MTCL1: variants seen among roughly 807,000 people sequenced by gnomAD.
The protein encoded by MTCL1 is microtubule crosslinking factor 1.
In MTCL1, 79 loss-of-function variants were observed where a neutral mutation model predicts 141.4. That is an observed-to-expected ratio of 0.56 (90% CI 0.47 to 0.67). MTCL1 has a LOEUF of 0.67. Among genes scored for constraint, MTCL1 ranks in the 30% least tolerant of loss-of-function variants. MTCL1 has a pLI of 0.00. For synonymous variants in MTCL1, 914 were observed against 875.8 expected (o/e 1.04, Z -0.77); for missense variants, 2,177 against 2,113.9 (o/e 1.03, Z -0.59).
chr18:8,780,027 G>A (rs2096527390), intron 5 of MTCL1, among the ~76,000 whole-genome samples: 1 of 152,056 alleles, frequency 6.6e-6, no homozygotes, highest in Admixed American at 6.5e-5. Flanking sequence ...GGCTCTATGG[G>A]GACCTTCTGC....
chr18:8,826,095 A>AAC lies in MTCL1; in HGVS notation c.4586_4587dup (p.Val1530ThrfsTer15). The AAC allele has an allele frequency of 6.2e-7, 1 of 1,611,688 alleles. No homozygotes were observed. The highest frequency in any genetic ancestry group is 1.3e-5 in the African/African-American group (1 of 75,026). On this transcript the variant is annotated frameshift_variant, in exon 15 of 17. Coordinates refer to ENST00000359865, the Ensembl canonical transcript of MTCL1. LOFTEE classifies it high-confidence loss of function. ...TCCCCCTGGCTACACGCTCACTGAG[A>AAC]ACGTGGCCCGGATCCTCAACAAGAA...
exon 1 of MTCL1, chr18:8,706,024 G>A (rs1418260879): frequency 3.4e-6 from 4 of 1,174,490 alleles, no homozygotes; most frequent in Non-Finnish European, 4.2e-6. Flanking sequence ...AGCGGCGGGC[G>A]GTGCCAAGGC....
chr18:8,733,238 G>A (rs1211932405), intron 4 of MTCL1, among the ~76,000 whole-genome samples: 1 of 152,142 alleles, frequency 6.6e-6, no homozygotes, highest in Non-Finnish European at 1.5e-5. Context: ...GATCTTCTGT[G>A]TTTATTCATG....
At chr18:8,827,913 A>G (rs1290381821) in intron 15 of MTCL1, among the ~76,000 whole-genome samples, 1 of 152,212 alleles carries the variant, frequency 6.6e-6, no homozygotes, top group African/African-American at 2.4e-5. Context: ...TAAAGTATTC[A>G]TTTAGATTTT....
At chr18:8,733,490 T>C (rs1320078975) in intron 4 of MTCL1, among the ~76,000 whole-genome samples, 77 of 152,044 alleles carry the variant, frequency 5.1e-4, no homozygotes, top group African/African-American at 1.7e-3. Context: ...ACTGCAACCT[T>C]TGCCTCCTGG....
intron 4 of MTCL1, among the ~76,000 whole-genome samples, chr18:8,756,341 G>GTA (rs1174595595): frequency 6.8e-6 from 1 of 147,928 alleles, no homozygotes; most frequent in Non-Finnish European, 1.5e-5. Context: ...ATATGTGTGT[G>GTA]TATATATATG....
At chr18:8,758,038 T>G (rs76653310) in intron 4 of MTCL1, among the ~76,000 whole-genome samples, 3 of 150,312 alleles carry the variant, frequency 2.0e-5, no homozygotes, top group Non-Finnish European at 4.4e-5. Context: ...TTTTTTTTTT[T>G]TGAGACAGAG....
chr18:8,784,897 C>A, intron 6 of MTCL1, 54 bp downstream of exon 5: 1 of 1,459,034 alleles, frequency 6.9e-7, no homozygotes, highest in South Asian at 1.3e-5. Flanking sequence ...TCCTCCTTCT[C>A]GCTGGCATTG....
In MTCL1 at chr18:8,830,994, TCA is replaced by T; in HGVS notation, c.*19-612_*19-611del. 1 of 986,016 alleles carries T rather than the reference TCA, an allele frequency of 1.0e-6. No homozygotes were observed. Among genetic ancestry groups the T allele is most frequent in the African/African-American group, 1.7e-5 (1 of 57,368 alleles). 61.1% of individuals were successfully genotyped at this position (986,016 alleles called of 1,614,324 possible). A position where few individuals can be genotyped will look rare whatever the true frequency, so the allele number is the denominator to read the frequency against. On this transcript the variant is annotated intron_variant, in intron 16 of 16. Transcript: ENST00000359865. The surrounding 1 kb of genome is among the most constrained non-coding windows in gnomAD (Gnocchi z 6.4). Reference sequence around the variant, plus strand: ...TTAAAATGCTGCTGCAATTGAACAGTCATTAAAGAAAACCAGACCCAAATTAA... The same window carrying T: ...TTAAAATGCTGCTGCAATTGAACAGTTTAAAGAAAACCAGACCCAAATTAA...
exon 15 of MTCL1, chr18:8,825,082 G>A (rs760323431): frequency 4.0e-5 from 64 of 1,610,966 alleles, no homozygotes; most frequent in East Asian, 1.3e-4. Flanking sequence ...TCGGGGTTGC[G>A]CGTGTTACAC....
intron 4 of MTCL1, among the ~76,000 whole-genome samples, chr18:8,759,244 G>T (rs1012468349): frequency 6.6e-6 from 1 of 152,206 alleles, no homozygotes; most frequent in East Asian, 1.9e-4. Context: ...TATGACTTAG[G>T]TCTGAAAGTA....
chr18:8,754,595 C>T (rs1464133169), intron 4 of MTCL1, among the ~76,000 whole-genome samples: 2 of 152,106 alleles, frequency 1.3e-5, no homozygotes, highest in Non-Finnish European at 2.9e-5. Flanking sequence ...AAAAGGGAAC[C>T]AAGTCGTTTT....
At chr18:8,818,620 A>G (rs539151209) in intron 12 of MTCL1, among the ~76,000 whole-genome samples, 1 of 152,366 alleles carries the variant, frequency 6.6e-6, no homozygotes, top group Admixed American at 6.5e-5. Flanking sequence ...CATGTTCTTT[A>G]ACAGTATTAG....
intron 4 of MTCL1, among the ~76,000 whole-genome samples, chr18:8,722,419 A>G (rs760252326): frequency 6.6e-5 from 10 of 152,170 alleles, no homozygotes; most frequent in Non-Finnish European, 1.3e-4. Context: ...AAAATAATGT[A>G]TATAGCTTTT....
chr18:8,812,547 A>C (rs550172202), intron 11 of MTCL1, among the ~76,000 whole-genome samples: 55 of 152,320 alleles, frequency 3.6e-4, no homozygotes, highest in African/African-American at 1.1e-3. Flanking sequence ...AGTACATAAG[A>C]TGTAGAATCT....
chr18:8,819,637 T>C (rs959417767), intron 13 of MTCL1, among the ~76,000 whole-genome samples: 3 of 152,138 alleles, frequency 2.0e-5, no homozygotes, highest in African/African-American at 7.2e-5. Context: ...GAGGTCTCAC[T>C]CTCTTGCCCA....
rs368104710 is a variant in MTCL1 at position 8,824,137 on chromosome 18, C to T, written c.3189-562C>T. Among the ~76,000 whole-genome samples the T allele has an allele frequency of 8.7e-4, 133 of 152,338 alleles. 1 individual carries two copies. Among genetic ancestry groups the T allele is most frequent in the Middle Eastern group, 3.4e-3 (1 of 294 alleles). On this transcript the variant is annotated intron_variant, in intron 14 of 16. Transcript: ENST00000359865. ...ACCACTTCTTTGCCCTGGTGGTAGTCGTGCCCGAGCACTCCGGCCACTTTC... is the reference window on the plus strand; with the variant it reads ...ACCACTTCTTTGCCCTGGTGGTAGTTGTGCCCGAGCACTCCGGCCACTTTC...
intron 16 of MTCL1, chr18:8,831,139 G>A: frequency 1.0e-5 from 10 of 988,624 alleles, no homozygotes; most frequent in Non-Finnish European, 1.2e-5. Flanking sequence ...TAACACAGCT[G>A]AATGAAATCA....
At chr18:8,798,535 G>GT (rs1450756552) in intron 10 of MTCL1, among the ~76,000 whole-genome samples, 4 of 152,198 alleles carry the variant, frequency 2.6e-5, no homozygotes, top group African/African-American at 4.8e-5. Flanking sequence ...AAGGACTGTA[G>GT]TAAGGGCAGA....
Sources: gnomAD v4.1 joint callset for allele counts (sites outside exome capture counted in the v4.1 genomes callset) on GRCh38, gnomAD v4.1.1 for gene constraint, Gnocchi (gnomAD v3.1) non-coding constraint, MANE v1.5 for transcripts, NCBI Gene and HGNC (gene_info 2026-07-23, HGNC 2026-07-21) for gene names.